The following LAMC3 variants were observed in gnomAD, a reference collection of about 807,000 sequenced individuals.
The protein encoded by LAMC3 is laminin subunit gamma-3.
In LAMC3, 128 loss-of-function variants were observed where a neutral mutation model predicts 173.8. The ratio of observed to expected loss-of-function variants is 0.74; its 90% CI spans 0.64 to 0.85. LAMC3 has a LOEUF of 0.85. Among genes scored for constraint, LAMC3 ranks in the 40% least tolerant of loss-of-function variants. LAMC3 has a pLI of 0.00. For missense variants in LAMC3, 2,022 were observed against 2,156.0 expected (o/e 0.94, Z 1.23); for synonymous variants, 897 against 909.1 (o/e 0.99, Z 0.24).
chr9:131,053,453 G>A (rs1834338777), intron 11 of LAMC3, among the ~76,000 whole-genome samples: 1 of 152,218 alleles, frequency 6.6e-6, no homozygotes. Flanking sequence ...ATGGGGGTCT[G>A]TCACCACCTC....
Sources: allele counts gnomAD v4.1 joint callset (sites outside exome capture counted in the v4.1 genomes callset), GRCh38; gene constraint gnomAD v4.1.1; transcripts MANE v1.5; gene names NCBI Gene and HGNC (gene_info 2026-07-23, HGNC 2026-07-21).